FRRS1: variants seen among roughly 807,000 people sequenced by gnomAD.
FRRS1 encodes the protein ferric chelate reductase 1, also known as ferric reductase 1.
In FRRS1, 51 loss-of-function variants were observed where a neutral mutation model predicts 70.7. The ratio of observed to expected loss-of-function variants is 0.72; its 90% CI spans 0.58 to 0.91. The LOEUF (loss-of-function observed/expected upper bound fraction) is 0.91, where lower values mean the gene tolerates loss of function less well. Among genes scored for constraint, FRRS1 ranks in the 40% least tolerant of loss-of-function variants. The pLI is 0.00. For missense variants in FRRS1, 672 were observed against 726.0 expected (o/e 0.93, Z 0.86); for synonymous variants, 225 against 238.7 (o/e 0.94, Z 0.53).
intron 9 of FRRS1, among the ~76,000 whole-genome samples, chr1:99,726,287 G>A (rs1049982066): frequency 6.6e-6 from 1 of 152,128 alleles, no homozygotes; most frequent in Non-Finnish European, 1.5e-5. Flanking sequence ...TTCCTGTATA[G>A]GCTGTGGAAC....
intron 1 of FRRS1, among the ~76,000 whole-genome samples, chr1:99,759,431 T>C (rs1037380891): frequency 6.6e-6 from 1 of 152,204 alleles, no homozygotes; most frequent in African/African-American, 2.4e-5. Context: ...ACAGTGTACA[T>C]TTCTTAGCTC....
intron 4 of FRRS1, 80 bp downstream of exon 4, chr1:99,747,214 C>G (rs1408655261): frequency 3.4e-6 from 4 of 1,161,176 alleles, no homozygotes; most frequent in Non-Finnish European, 4.9e-6. Flanking sequence ...AAAAGTTATA[C>G]ACAGATTTCC....
chr1:99,746,275 T>A (rs886638868), intron 4 of FRRS1, among the ~76,000 whole-genome samples: 1 of 152,240 alleles, frequency 6.6e-6, no homozygotes, highest in Middle Eastern at 3.4e-3. Flanking sequence ...CAGTACTCGA[T>A]GGAAACGATT....
rs375957455 is a variant in FRRS1, at chr1:99,743,656, A to G, written c.334-1383T>C. ...AAATGTAAAAATGCAGTATTAAATC[A>G]TAACTGCATAAAATTAACTGTAGTT... On this transcript the variant is annotated intron_variant, in intron 4 of 16. Transcript: ENST00000646001. Among the ~76,000 whole-genome samples the G allele has an allele frequency of 2.0e-4, 31 of 152,348 alleles. No homozygotes were observed. In the South Asian group the frequency reaches 6.0e-3, roughly 30 times the overall value.
chr1:99,709,968 A>AAAAC (rs1050440216), intron 15 of FRRS1, among the ~76,000 whole-genome samples: 7 of 152,190 alleles, frequency 4.6e-5, no homozygotes, highest in East Asian at 1.9e-4. Context: ...ACTCTGTCTC[A>AAAAC]AAACAAACAA....
chr1:99,721,246 G>C (rs971316423), intron 9 of FRRS1, among the ~76,000 whole-genome samples: 1 of 151,948 alleles, frequency 6.6e-6, no homozygotes, highest in Non-Finnish European at 1.5e-5. Context: ...GGGTGCGCTG[G>C]TGGGCACCTG....
Position 99,729,751 on chromosome 1 carries a change from GA to G in FRRS1, c.760-4del. ...CACAGATAAGCATCATCATCACCCT[GA>G]AAAACAATTGCAAATGAGAAAAAAA... On this transcript the variant is annotated splice_polypyrimidine_tract_variant and splice_region_variant and intron_variant, in intron 7 of 16. Coordinates refer to ENST00000646001, the MANE Select transcript of FRRS1 (RefSeq NM_001361041.2). The G allele has an allele frequency of 6.3e-7, 1 of 1,583,654 alleles. No homozygotes were observed. Among genetic ancestry groups the G allele is most frequent in the Non-Finnish European group, 8.7e-7 (1 of 1,156,010 alleles).
At chr1:99,711,278 C>A in intron 14 of FRRS1, 2 of 237,428 alleles carry the variant, frequency 8.4e-6, no homozygotes, top group Non-Finnish European at 1.7e-5. Flanking sequence ...TCCCCCATTC[C>A]GCCCTCTCCT....
chr1:99,738,420 C>T, intron 6 of FRRS1, 152 bp from the exon 7 acceptor site: 1 of 567,496 alleles, frequency 1.8e-6, no homozygotes, highest in East Asian at 2.9e-5. Context: ...AAACAAAAGA[C>T]ACATCCCAAA....
chr1:99,756,870 C>T (rs942335411), intron 1 of FRRS1, among the ~76,000 whole-genome samples: 2 of 152,108 alleles, frequency 1.3e-5, no homozygotes, highest in African/African-American at 4.8e-5. Context: ...CAAAAGTTGA[C>T]ATGCACACAA....
At chr1:99,716,248 A>T (rs141550430) in intron 11 of FRRS1, among the ~76,000 whole-genome samples, 1 of 152,160 alleles carries the variant, frequency 6.6e-6, no homozygotes, top group South Asian at 2.1e-4. Context: ...CACCCTGTGT[A>T]TGTGTGTGTG....
intron 11 of FRRS1, among the ~76,000 whole-genome samples, chr1:99,716,531 G>A (rs1654541579): frequency 1.3e-5 from 2 of 152,156 alleles, no homozygotes; most frequent in African/African-American, 2.4e-5. Flanking sequence ...AGAAAGAAAG[G>A]AGCAAGGTGA....
intron 1 of FRRS1, among the ~76,000 whole-genome samples, chr1:99,762,154 G>C (rs1156959029): frequency 1.3e-5 from 2 of 152,172 alleles, no homozygotes; most frequent in Admixed American, 6.5e-5. Context: ...TATGGAAAAA[G>C]AGGGATTCTG....
At chr1:99,719,279 G>A (rs984059087) in intron 10 of FRRS1, among the ~76,000 whole-genome samples, 12 of 151,994 alleles carry the variant, frequency 7.9e-5, no homozygotes, top group African/African-American at 2.7e-4. Context: ...TGCAGTGGCA[G>A]GCTCCTGTAA....
At chr1:99,761,162 T>G (rs1657097889) in intron 1 of FRRS1, among the ~76,000 whole-genome samples, 1 of 152,152 alleles carries the variant, frequency 6.6e-6, no homozygotes, top group Non-Finnish European at 1.5e-5. Flanking sequence ...CATCTCACTC[T>G]GGCGCCCAGG....
intron 9 of FRRS1, among the ~76,000 whole-genome samples, chr1:99,728,137 A>G (rs750659324): frequency 6.6e-6 from 1 of 152,216 alleles, no homozygotes; most frequent in African/African-American, 2.4e-5. Flanking sequence ...CAACAACCTC[A>G]AAGTCACTGC....
chr1:99,729,501 T>A, intron 8 of FRRS1, 149 bp downstream of exon 8: 1 of 538,148 alleles, frequency 1.9e-6, no homozygotes, highest in Non-Finnish European at 3.4e-6. Context: ...CAGAAATCAT[T>A]ATGAGAGGAG....
At position 99,705,529 on chromosome 1, in the gene FRRS1, A is replaced by G. The variant is rs1319032986; in HGVS notation, c.*3499T>C. On this transcript the variant is annotated 3_prime_UTR_variant, in exon 17 of 17. Coordinates refer to ENST00000646001, the MANE Select transcript of FRRS1 (RefSeq NM_001361041.2). ...AAATAGAATTTCAGCCAAACACTACATGTGCCCTGAGAGCTTCCTAGTTGG... is the reference window on the plus strand; with the variant it reads ...AAATAGAATTTCAGCCAAACACTACGTGTGCCCTGAGAGCTTCCTAGTTGG... 6.6e-6 allele frequency among the ~76,000 whole-genome samples: 1 copy of G among 152,124 alleles called. No homozygotes were observed. The highest frequency in any genetic ancestry group is 1.5e-5 in the Non-Finnish European group (1 of 68,026).
chr1:99,704,432 G>A lies in FRRS1; in HGVS notation c.*4596C>T, dbSNP rs954134388. Among the ~76,000 whole-genome samples the A allele has an allele frequency of 6.6e-6, 1 of 152,162 alleles. No homozygotes were observed. The highest frequency in any genetic ancestry group is 2.4e-5 in the African/African-American group (1 of 41,446). ...AAGTGATAACGGGAGGGAAGTGCTG[G>A]GAAGGGCGTGGTCCCTTTAAATAAC... On this transcript the variant is annotated 3_prime_UTR_variant, in exon 17 of 17. Coordinates refer to ENST00000646001, the MANE Select transcript of FRRS1 (RefSeq NM_001361041.2).
Sources: gnomAD v4.1 joint callset for allele counts (sites outside exome capture counted in the v4.1 genomes callset) on GRCh38, gnomAD v4.1.1 for gene constraint, MANE v1.5 for transcripts, NCBI Gene and HGNC (gene_info 2026-07-23, HGNC 2026-07-21) for gene names.